L3MBTL4: variants seen among roughly 807,000 people sequenced by gnomAD.
L3MBTL4 encodes the protein lethal(3)malignant brain tumor-like protein 4.
In L3MBTL4, 70 loss-of-function variants were observed where a neutral mutation model predicts 84.5. That is an observed-to-expected ratio of 0.83 (90% CI 0.68 to 1.01). L3MBTL4 has a LOEUF of 1.01. Among genes scored for constraint, L3MBTL4 ranks in the 50% least tolerant of loss-of-function variants. The pLI is 0.00. For missense variants in L3MBTL4, 715 were observed against 754.8 expected (o/e 0.95, Z 0.62); for synonymous variants, 274 against 259.8 (o/e 1.05, Z -0.52).
intron 15 of L3MBTL4, among the ~76,000 whole-genome samples, chr18:6,089,890 T>G (rs35450200): frequency 0.032 from 4,915 of 152,320 alleles, 116 homozygotes; most frequent in Middle Eastern, 0.15. Context: ...CAGTCCCAGA[T>G]AAGCTTACCA....
intron 14 of L3MBTL4, among the ~76,000 whole-genome samples, chr18:6,132,843 G>C (rs1454418777): frequency 6.6e-6 from 1 of 152,162 alleles, no homozygotes; most frequent in Non-Finnish European, 1.5e-5. Context: ...CTAGTAGGGA[G>C]AGGTCAGTCA....
Position 6,311,632 on chromosome 18 carries a change from C to T in L3MBTL4, c.-7G>A. ...TCCTGTTGGGCTGTTTCATTGCCAC[C>T]CCCGCACTCCTTGGCAGTGGTTTTC... On this transcript the variant is annotated 5_prime_UTR_variant, in exon 3 of 19. Coordinates refer to ENST00000317931, the MANE Select transcript of L3MBTL4 (RefSeq NM_001330559.2). 1 of 1,612,456 alleles carries T rather than the reference C, an allele frequency of 6.2e-7. No homozygotes were observed. Among genetic ancestry groups the T allele is most frequent in the Non-Finnish European group, 8.5e-7 (1 of 1,178,670 alleles).
intron 13 of L3MBTL4, among the ~76,000 whole-genome samples, chr18:6,164,895 G>T (rs2043563031): frequency 6.6e-6 from 1 of 152,212 alleles, no homozygotes; most frequent in African/African-American, 2.4e-5. Context: ...GCTAAAGGAA[G>T]AAGTTTGAAC....
intron 12 of L3MBTL4, among the ~76,000 whole-genome samples, chr18:6,187,259 A>G (rs1013026062): frequency 6.6e-6 from 1 of 151,994 alleles, no homozygotes; most frequent in Non-Finnish European, 1.5e-5. Flanking sequence ...TTTAGCATAT[A>G]TTTTTGAGTT....
intron 4 of L3MBTL4, among the ~76,000 whole-genome samples, chr18:6,283,561 AT>A (rs1347271431): frequency 1.3e-5 from 2 of 151,902 alleles, no homozygotes; most frequent in Admixed American, 6.6e-5. Context: ...CCTAAGCAAA[AT>A]ATGAGCATCT....
chr18:6,262,540 G>T (rs1220372881), intron 5 of L3MBTL4, among the ~76,000 whole-genome samples: 1 of 152,102 alleles, frequency 6.6e-6, no homozygotes, highest in Non-Finnish European at 1.5e-5. Flanking sequence ...AACCTTCTAT[G>T]GTAGTCAGCC....
At chr18:6,198,735 T>C (rs2045518147) in intron 12 of L3MBTL4, among the ~76,000 whole-genome samples, 1 of 152,188 alleles carries the variant, frequency 6.6e-6, no homozygotes, top group Non-Finnish European at 1.5e-5. Context: ...AAGGGGACAG[T>C]GTAATCACTG....
chr18:6,398,028 ATCT>A (rs1296381788), intron 1 of L3MBTL4: 1 of 152,094 alleles, frequency 6.6e-6, no homozygotes, highest in African/African-American at 2.4e-5. Context: ...TGTTAAGGTT[ATCT>A]TCTTAAGGGG....
chr18:6,079,888 A>T (rs983795257), intron 16 of L3MBTL4: 2 of 152,236 alleles, frequency 1.3e-5, no homozygotes, highest in Non-Finnish European at 1.5e-5. Flanking sequence ...AGGGAGAAAC[A>T]TGTAGCTGCA....
At chr18:6,092,467 G>A (rs1173448716) in intron 15 of L3MBTL4, among the ~76,000 whole-genome samples, 1 of 152,206 alleles carries the variant, frequency 6.6e-6, no homozygotes, top group African/African-American at 2.4e-5. Flanking sequence ...AATGCAAAGA[G>A]CAAGGCTCTG....
chr18:5,965,015 A>G (rs1268920745), intron 17 of L3MBTL4, among the ~76,000 whole-genome samples: 2 of 152,216 alleles, frequency 1.3e-5, no homozygotes, highest in African/African-American at 2.4e-5. Context: ...ACTCCTGTAC[A>G]AGATATTTTC....
At chr18:6,030,003 T>C (rs1411433390) in intron 16 of L3MBTL4, 1 of 985,340 alleles carries the variant, frequency 1.0e-6, no homozygotes, top group Non-Finnish European at 1.2e-6. Context: ...ACCATCCAGA[T>C]GGCCATGGGC....
intron 16 of L3MBTL4, among the ~76,000 whole-genome samples, chr18:5,983,503 TA>T (rs138584905): frequency 9.7e-4 from 145 of 148,742 alleles, no homozygotes; most frequent in African/African-American, 3.2e-3. Context: ...GGGTGGGGAT[TA>T]AAAAAAAAAC....
intron 5 of L3MBTL4, among the ~76,000 whole-genome samples, chr18:6,261,459 G>A (rs1021551862): frequency 7.9e-5 from 12 of 152,242 alleles, no homozygotes; most frequent in Admixed American, 2.0e-4. Flanking sequence ...CTCACCACCC[G>A]CCTCCTTCAA....
chr18:6,215,935 A>C, intron 10 of L3MBTL4, 100 bp from the exon 11 acceptor site: 1 of 614,180 alleles, frequency 1.6e-6, no homozygotes, highest in Non-Finnish European at 2.8e-6. Flanking sequence ...ATGTTAATTG[A>C]ATGCTCACCA....
At chr18:6,030,175 TAGAA>T in intron 16 of L3MBTL4, 1 of 827,444 alleles carries the variant, frequency 1.2e-6, no homozygotes, top group Non-Finnish European at 1.5e-6. Flanking sequence ...AACATATTTT[TAGAA>T]AGACACACAA....
intron 10 of L3MBTL4, among the ~76,000 whole-genome samples, chr18:6,217,959 TCAC>T (rs2046393756): frequency 6.6e-6 from 1 of 152,212 alleles, no homozygotes; most frequent in Non-Finnish European, 1.5e-5. Flanking sequence ...ACATTTGTTT[TCAC>T]CACTAGTTTT....
intron 12 of L3MBTL4, among the ~76,000 whole-genome samples, chr18:6,193,418 C>T (rs776619425): frequency 7.9e-5 from 12 of 152,272 alleles, no homozygotes; most frequent in South Asian, 6.2e-4. Context: ...GAAATAACCA[C>T]GAGGAGCAAA....
chr18:6,095,637 A>G (rs1286796375), intron 14 of L3MBTL4, among the ~76,000 whole-genome samples: 1 of 152,156 alleles, frequency 6.6e-6, no homozygotes, highest in African/African-American at 2.4e-5. Flanking sequence ...AGCGTGAGCC[A>G]CCGCACCCGG....
Sources: allele counts gnomAD v4.1 joint callset (sites outside exome capture counted in the v4.1 genomes callset), GRCh38; gene constraint gnomAD v4.1.1; transcripts MANE v1.5; gene names NCBI Gene and HGNC (gene_info 2026-07-23, HGNC 2026-07-21).